The following SWT1 variants were observed in gnomAD, a reference collection of about 807,000 sequenced individuals.
The protein encoded by SWT1 is transcriptional protein SWT1.
In SWT1, 33 loss-of-function variants were observed where a neutral mutation model predicts 107.3. The observed-to-expected ratio is 0.31, with a 90% CI of 0.23 to 0.41. The LOEUF (loss-of-function observed/expected upper bound fraction) is 0.41, where lower values mean the gene tolerates loss of function less well. SWT1 is among the 10% of genes least tolerant of loss of function. SWT1 has a pLI of 1.00. For synonymous variants in SWT1, 345 were observed against 348.3 expected, an observed-to-expected ratio of 0.99 and a Z score of 0.11; for missense variants, 898 against 1,028.9, an observed-to-expected ratio of 0.87 and a Z score of 1.74.
chr1:185,176,742 T>G (rs1452392879), intron 5 of SWT1: 1 of 941,430 alleles, frequency 1.1e-6, no homozygotes, highest in Non-Finnish European at 1.3e-6. Flanking sequence ...CCCAGCACTT[T>G]GGGAGGCCGA....
intron 3 of SWT1, among the ~76,000 whole-genome samples, chr1:185,167,250 G>C (rs1436813218): frequency 6.6e-6 from 1 of 152,154 alleles, no homozygotes; most frequent in East Asian, 1.9e-4. Context: ...AAGTCTAGAA[G>C]GTTAAGTGAC....
intron 16 of SWT1, among the ~76,000 whole-genome samples, chr1:185,245,873 A>T (rs1271122595): frequency 6.6e-6 from 1 of 151,718 alleles, no homozygotes; most frequent in Non-Finnish European, 1.5e-5. Context: ...GGTTGAAGTG[A>T]TTCTCCCACC....
rs1339411577 is a variant in SWT1, at chr1:185,204,798, G to C, written c.1768G>C (p.Gly590Arg). The change falls in exon 12 of 19, where the codon GGA (glycine) becomes CGA (arginine). Residue 590 changes from glycine to arginine, a missense_variant. Physicochemically the swap from Gly to Arg is moderately radical, Grantham distance 125. This residue lies in a region of SWT1 where 382 missense variants were observed against 460.0 expected (regional missense o/e 0.83). Coordinates refer to ENST00000367500, the MANE Select transcript of SWT1 (RefSeq NM_017673.7). ...SIVSDLEKSL[G>R]TGLSSILETE... is the part of the protein sequence containing the mutation. ...TGTATCTGATCTTGAAAAATCTCTT[G>C]GAACAGGTTTATCTTCAATATTAGA... 1 of 1,592,862 alleles carries C rather than the reference G, an allele frequency of 6.3e-7. No individual in the cohort carries two copies. The highest frequency in any genetic ancestry group is 1.8e-5 in the Admixed American group (1 of 56,132).
At position 185,221,902 on chromosome 1, in the gene SWT1, G is replaced by A. The variant is rs760056155; in HGVS notation, c.2175G>A (p.Gln725=). The stretch of plus-strand genomic sequence containing the variant: ...CAGAAAACACAGTGACTAAAAAGCA[G>A]GAAGGTACTTCATTGAAGAATTCTC... ...NSSENTVTKK[Q]EGTSLKNSHN... is the part of the protein sequence containing the mutation. Residue 725 remains glutamine, a synonymous_variant, in exon 15 of 19, where the codon CAG becomes CAA. Transcript: ENST00000367500. 102 of 1,609,932 alleles carry A rather than the reference G, an allele frequency of 6.3e-5. No individual in the cohort carries two copies. Among genetic ancestry groups the A allele is most frequent in the Non-Finnish European group, 8.5e-5 (100 of 1,178,732 alleles).
At chr1:185,159,286 C>T (rs1475174783) in intron 1 of SWT1, among the ~76,000 whole-genome samples, 2 of 152,148 alleles carry the variant, frequency 1.3e-5, no homozygotes, top group Non-Finnish European at 2.9e-5. Flanking sequence ...CATGAAGTCT[C>T]CCCTCATTTA....
chr1:185,274,393 G>T (rs1664099330), intron 17 of SWT1, among the ~76,000 whole-genome samples: 1 of 150,664 alleles, frequency 6.6e-6, no homozygotes, highest in South Asian at 2.1e-4. Flanking sequence ...CCTAGGTCAA[G>T]CAATCTTCCT....
intron 18 of SWT1, chr1:185,280,773 A>C (rs2102767931): frequency 3.6e-6 from 1 of 276,554 alleles, no homozygotes; most frequent in Non-Finnish European, 7.2e-6. Flanking sequence ...GGAGGAGCTG[A>C]GAGAGTTCTT....
At chr1:185,198,015 T>TTAATTA (rs1276549005) in intron 10 of SWT1, among the ~76,000 whole-genome samples, 2 of 152,212 alleles carry the variant, frequency 1.3e-5, no homozygotes, top group African/African-American at 4.8e-5. Context: ...CTCTACGTCT[T>TTAATTA]TTAATTGTGA....
At chr1:185,243,473 C>T (rs1464851145) in intron 16 of SWT1, among the ~76,000 whole-genome samples, 8 of 152,110 alleles carry the variant, frequency 5.3e-5, no homozygotes, top group Admixed American at 5.2e-4. Context: ...TTTAGCACCT[C>T]AGTAGGCCAA....
At chr1:185,195,669 G>C (rs964213451) in intron 10 of SWT1, among the ~76,000 whole-genome samples, 6 of 152,098 alleles carry the variant, frequency 3.9e-5, no homozygotes, top group African/African-American at 1.4e-4. Context: ...GTTGTTTCTT[G>C]ACTTTTTAAT....
chr1:185,229,911 C>T (rs1323133603), intron 15 of SWT1, among the ~76,000 whole-genome samples: 1 of 151,932 alleles, frequency 6.6e-6, no homozygotes, highest in Non-Finnish European at 1.5e-5. Flanking sequence ...GTGGTGGTTG[C>T]AGGGGTTTGG....
At position 185,168,403 on chromosome 1, in the gene SWT1, A is replaced by T. The variant is rs771868254; in HGVS notation, c.224+5A>T. The T allele has an allele frequency of 2.2e-6, 3 of 1,375,498 alleles. No homozygotes were observed. The African/African-American group carries it at 4.6e-5, about 21-fold the overall frequency. 85.2% of individuals were successfully genotyped at this position (1,375,498 alleles called of 1,614,324 possible). On this transcript the variant is annotated splice_donor_5th_base_variant and intron_variant, in intron 4 of 18. Coordinates refer to ENST00000367500, the MANE Select transcript of SWT1 (RefSeq NM_017673.7). ...AAGAAGACAAGGACTGAAAAGGTAAATTTCTCCTTTTTCTTTTTACTGTTT... is the reference window on the plus strand; with the variant it reads ...AAGAAGACAAGGACTGAAAAGGTAATTTTCTCCTTTTTCTTTTTACTGTTT...
intron 16 of SWT1, among the ~76,000 whole-genome samples, chr1:185,257,332 T>C (rs1411431861): frequency 6.6e-6 from 1 of 152,110 alleles, no homozygotes; most frequent in Non-Finnish European, 1.5e-5. Context: ...CCTGGCTGCT[T>C]TGTTTACCTA....
chr1:185,159,111 C>G (rs1243064027), intron 1 of SWT1, among the ~76,000 whole-genome samples: 1 of 152,172 alleles, frequency 6.6e-6, no homozygotes, highest in Non-Finnish European at 1.5e-5. Context: ...CAGAACAAGG[C>G]AGACGTCATG....
rs1360064755 is a variant in SWT1, at chr1:185,204,773, T to C, written c.1743T>C (p.Ile581=). 1.9e-6 allele frequency: 3 copies of C among 1,598,032 alleles called. No homozygotes were observed. Among genetic ancestry groups the C allele is most frequent in the Non-Finnish European group, 2.6e-6 (3 of 1,172,000 alleles). ...GACTGTCCATTCTGCTTGAGAGCAT[T>C]GTATCTGATCTTGAAAAATCTCTTG... The part of the protein sequence containing the change: ...NSGLSILLES[I]VSDLEKSLGT... The change falls in exon 12 of 19, where the codon ATT becomes ATC. Residue 581 remains isoleucine (I), a synonymous_variant. Transcript: ENST00000367500.
chr1:185,229,417 C>T (rs954628582), intron 15 of SWT1, among the ~76,000 whole-genome samples: 3 of 152,014 alleles, frequency 2.0e-5, no homozygotes, highest in African/African-American at 7.3e-5. Flanking sequence ...GCTCATTTCT[C>T]CCACATTTTG....
intron 17 of SWT1, 89 bp downstream of exon 17, chr1:185,271,478 T>C (rs1263798900): frequency 4.5e-6 from 3 of 672,816 alleles, no homozygotes; most frequent in Non-Finnish European, 7.9e-6. Context: ...TCAAACATAG[T>C]GGAATGCTAT....
chr1:185,166,043 T>C (rs143015446), intron 2 of SWT1, among the ~76,000 whole-genome samples: 2 of 152,290 alleles, frequency 1.3e-5, no homozygotes, highest in South Asian at 2.1e-4. Context: ...CTCTGCTTTA[T>C]TTTTTTCCAC....
chr1:185,163,561 T>C (rs895749441), intron 2 of SWT1, among the ~76,000 whole-genome samples: 1 of 152,090 alleles, frequency 6.6e-6, no homozygotes, highest in African/African-American at 2.4e-5. Context: ...GCCCAGCTAA[T>C]TTTTTAATAT....
Sources: gnomAD v4.1 joint callset for allele counts (sites outside exome capture counted in the v4.1 genomes callset) on GRCh38, gnomAD v4.1.1 for gene constraint, gnomAD v4.1.1 regional missense constraint, MANE v1.5 for transcripts, NCBI Gene and HGNC (gene_info 2026-07-23, HGNC 2026-07-21) for gene names.